FBXO10: variants seen among roughly 807,000 people sequenced by gnomAD.
The protein encoded by FBXO10 is F-box protein 10.
A neutral mutation model predicts 80.7 loss-of-function variants in FBXO10; 39 were observed. The observed-to-expected ratio is 0.48, with a 90% CI of 0.37 to 0.63. The LOEUF (loss-of-function observed/expected upper bound fraction) is 0.63, where lower values mean the gene tolerates loss of function less well. FBXO10 is among the 30% of genes least tolerant of loss of function. FBXO10 has a pLI of 0.00. For missense variants in FBXO10, 1,025 were observed against 1,269.0 expected (o/e 0.81, Z 2.92); for synonymous variants, 449 against 489.6 (o/e 0.92, Z 1.09).
chr9:37,513,017 G>T (rs1821102208), intron 10 of FBXO10, among the ~76,000 whole-genome samples: 2 of 152,222 alleles, frequency 1.3e-5, no homozygotes, highest in South Asian at 4.1e-4. Context: ...CCAGGCTGGG[G>T]TGCAGTGGCA....
At position 37,521,646 on chromosome 9, in the gene FBXO10, A is replaced by G; in HGVS notation, c.2123T>C (p.Leu708Pro). The G allele has an allele frequency of 6.2e-7, 1 of 1,613,930 alleles. No homozygotes were observed. The highest frequency in any genetic ancestry group is 1.3e-5 in the African/African-American group (1 of 75,018). Residue 708 changes from leucine to proline, a missense_variant, in exon 8 of 11, where the codon CTG (leucine) becomes CCG (proline). Around this residue, in one of 3 missense-constraint regions of FBXO10, gnomAD observed 478 missense variants for 667.8 expected, o/e 0.72. Coordinates refer to ENST00000432825, the MANE Select transcript of FBXO10 (RefSeq NM_012166.3). ...DGDAILWETE[L>P]EKEDDPLRRP... ...GCGCAGTGGGTCGTCCTCCTTCTCCAGCTCTGTCTCCCAGAGGATGGCGTC... is the reference window on the plus strand; with the variant it reads ...GCGCAGTGGGTCGTCCTCCTTCTCCGGCTCTGTCTCCCAGAGGATGGCGTC...
Position 37,521,793 on chromosome 9 carries a change from T to C in FBXO10, c.1976A>G (p.His659Arg), listed in dbSNP as rs1487835446. The C allele has an allele frequency of 1.2e-6, 2 of 1,606,134 alleles. No individual in the cohort carries two copies. The highest frequency in any genetic ancestry group is 1.7e-6 in the Non-Finnish European group (2 of 1,178,554). Residue 659 changes from histidine to arginine, a missense_variant, in exon 8 of 11, where the codon CAT becomes CGT. Around this residue, in one of 3 missense-constraint regions of FBXO10, gnomAD observed 478 missense variants for 667.8 expected, o/e 0.72. Coordinates refer to ENST00000432825, the MANE Select transcript of FBXO10 (RefSeq NM_012166.3). ...GVWMMSSSLPHVTSNHVSYNG... is the reference protein window; with the variant it reads ...GVWMMSSSLPRVTSNHVSYNG... The stretch of plus-strand genomic sequence containing the variant: ...GTAGCTGACGTGGTTGCTGGTGACA[T>C]GGGGGAGGCTGGACGACATCATCCA...
At chr9:37,575,126 G>A (rs1412911239) in intron 1 of FBXO10, among the ~76,000 whole-genome samples, 7 of 151,964 alleles carry the variant, frequency 4.6e-5, no homozygotes, top group Middle Eastern at 3.4e-3. Context: ...GTCAATCACC[G>A]TACTGTGTTT....
intron 5 of FBXO10, 86 bp downstream of exon 5, chr9:37,529,038 A>C: frequency 1.3e-6 from 2 of 1,542,798 alleles, no homozygotes; most frequent in South Asian, 1.2e-5. Context: ...GCATCTGTAC[A>C]GTTGTTTCCG....
intron 1 of FBXO10, among the ~76,000 whole-genome samples, chr9:37,560,515 G>C (rs1248860009): frequency 6.6e-6 from 1 of 152,040 alleles, no homozygotes; most frequent in Non-Finnish European, 1.5e-5. Flanking sequence ...GCCCCCTCTT[G>C]ACTCCGAGCA....
intron 3 of FBXO10, among the ~76,000 whole-genome samples, chr9:37,534,887 T>C (rs1821719536): frequency 6.6e-6 from 1 of 152,132 alleles, no homozygotes; most frequent in Non-Finnish European, 1.5e-5. Flanking sequence ...GGTCCCCTAG[T>C]GCTGGGGGTA....
chr9:37,562,647 G>A (rs1563889518), intron 1 of FBXO10, among the ~76,000 whole-genome samples: 1 of 152,146 alleles, frequency 6.6e-6, no homozygotes, highest in Non-Finnish European at 1.5e-5. Context: ...ATCATTTACT[G>A]AATAAATAAT....
In FBXO10 at chr9:37,511,296, C is replaced by T. The variant is rs1394616313; in HGVS notation, c.*1251G>A. ...CTCTTCCTCAGGCAGTGGGGTCTGA[C>T]CTCACCTGGCTTTGGGACTTGGACA... On this transcript the variant is annotated 3_prime_UTR_variant, in exon 11 of 11. Transcript: ENST00000432825. The T allele has an allele frequency of 6.6e-6, 1 of 152,560 alleles. No homozygotes were observed. Among genetic ancestry groups the T allele is most frequent in the Non-Finnish European group, 1.5e-5 (1 of 68,272 alleles). 9.5% of individuals were successfully genotyped at this position (152,560 alleles called of 1,614,324 possible). A position where few individuals can be genotyped will look rare whatever the true frequency, so the allele number is the denominator to read the frequency against.
intron 3 of FBXO10, among the ~76,000 whole-genome samples, chr9:37,533,283 C>T (rs1424655707): frequency 1.3e-5 from 2 of 152,162 alleles, no homozygotes; most frequent in Non-Finnish European, 2.9e-5. Context: ...TGGTGGCTCA[C>T]GTCTGTAATC....
intron 3 of FBXO10, among the ~76,000 whole-genome samples, chr9:37,532,352 G>A (rs1335728809): frequency 6.7e-6 from 1 of 148,314 alleles, no homozygotes; most frequent in African/African-American, 2.5e-5. Flanking sequence ...CCAGGCTGGA[G>A]TGCAGTGGCA....
intron 1 of FBXO10, among the ~76,000 whole-genome samples, chr9:37,573,159 T>C (rs1055300502): frequency 6.6e-6 from 1 of 152,048 alleles, no homozygotes; most frequent in Admixed American, 6.5e-5. Context: ...CCAAAGGGAT[T>C]TGGGTTAAGG....
At chr9:37,544,711 G>T (rs988718185) in intron 1 of FBXO10, among the ~76,000 whole-genome samples, 1 of 151,980 alleles carries the variant, frequency 6.6e-6, no homozygotes, top group African/African-American at 2.4e-5. Flanking sequence ...AGAGAGAAAA[G>T]CGGCCGGGCG....
chr9:37,538,339 G>A (rs905052712), intron 2 of FBXO10, among the ~76,000 whole-genome samples: 3 of 152,166 alleles, frequency 2.0e-5, no homozygotes, highest in African/African-American at 7.2e-5. Flanking sequence ...TGCACGTGGT[G>A]CACAGCAAAA....
intron 1 of FBXO10, among the ~76,000 whole-genome samples, chr9:37,566,925 T>C (rs1011246047): frequency 4.6e-5 from 7 of 152,152 alleles, no homozygotes; most frequent in Admixed American, 4.6e-4. Flanking sequence ...GCTTTCTGAG[T>C]GGGCTTGGAG....
intron 9 of FBXO10, among the ~76,000 whole-genome samples, chr9:37,517,123 C>A (rs972997580): frequency 6.6e-6 from 1 of 152,124 alleles, no homozygotes; most frequent in Non-Finnish European, 1.5e-5. Flanking sequence ...ATCCTATGTC[C>A]TTACTTGCTC....
chr9:37,522,112 T>C (rs1032548473), intron 7 of FBXO10, among the ~76,000 whole-genome samples: 6 of 152,218 alleles, frequency 3.9e-5, no homozygotes, highest in African/African-American at 1.4e-4. Flanking sequence ...CAGAAGCACA[T>C]GAGCCCACAG....
intron 1 of FBXO10, among the ~76,000 whole-genome samples, chr9:37,572,712 G>A (rs1822790221): frequency 6.6e-6 from 1 of 152,190 alleles, no homozygotes; most frequent in Non-Finnish European, 1.5e-5. Flanking sequence ...TGATTTGGAA[G>A]CAGGTACTGA....
chr9:37,512,660 G>A lies in FBXO10; in HGVS notation c.2758C>T (p.Arg920Cys), dbSNP rs536866424. Reference sequence around the variant, plus strand: ...TGCCCATTGTGGGCTGCCGAGGGACGTCTGAGAGAATTTTCAAGGTGGGGC... The same window carrying A: ...TGCCCATTGTGGGCTGCCGAGGGACATCTGAGAGAATTTTCAAGGTGGGGC... ...ARPHLENSLR[R>C]PSAAHNGQKV... is the part of the protein sequence containing the mutation. The change falls in exon 11 of 11, where the codon CGT (arginine) becomes TGT (cysteine). Residue 920 changes from arginine to cysteine, a missense_variant. Arg to Cys is a radical substitution (Grantham distance 180). Transcript: ENST00000432825. 6 of 1,613,976 alleles carry A rather than the reference G, an allele frequency of 3.7e-6. No individual in the cohort carries two copies. Among genetic ancestry groups the A allele is most frequent in the East Asian group, 2.2e-5 (1 of 44,876 alleles).
intron 1 of FBXO10, among the ~76,000 whole-genome samples, chr9:37,575,964 T>TA (rs1418251623): frequency 6.6e-6 from 1 of 151,972 alleles, no homozygotes; most frequent in East Asian, 1.9e-4. Context: ...TACGGGAGGG[T>TA]AAACCAAGGC....
Sources: allele counts gnomAD v4.1 joint callset (sites outside exome capture counted in the v4.1 genomes callset), GRCh38; gene constraint gnomAD v4.1.1; regional missense constraint gnomAD v4.1.1; transcripts MANE v1.5; gene names NCBI Gene and HGNC (gene_info 2026-07-23, HGNC 2026-07-21).